SSBP2: variants seen among roughly 807,000 people sequenced by gnomAD.
SSBP2 encodes the protein single-stranded DNA-binding protein 2.
Under a neutral mutation model 61.8 loss-of-function variants are expected in SSBP2, and 17 were observed. The observed-to-expected ratio is 0.28, with a 90% CI of 0.19 to 0.41. The LOEUF is 0.41. Among genes scored for constraint, SSBP2 ranks in the 10% least tolerant of loss-of-function variants. The pLI is 1.00. For synonymous variants in SSBP2, 139 were observed against 141.3 expected (o/e 0.98, Z 0.12); for missense variants, 310 against 458.7 (o/e 0.68, Z 2.96).
chr5:81,423,680 G>A (rs1203236148), intron 16 of SSBP2, among the ~76,000 whole-genome samples: 1 of 152,054 alleles, frequency 6.6e-6, no homozygotes, highest in Non-Finnish European at 1.5e-5. Context: ...AGGAGGCGGA[G>A]GTTGCAGTGA....
intron 6 of SSBP2, among the ~76,000 whole-genome samples, chr5:81,478,916 T>C (rs905869309): frequency 2.0e-5 from 3 of 152,344 alleles, no homozygotes; most frequent in Non-Finnish European, 2.9e-5. Flanking sequence ...TAGTATATCT[T>C]TGAATATCAG....
intron 4 of SSBP2, among the ~76,000 whole-genome samples, chr5:81,566,488 C>G (rs773327833): frequency 6.6e-6 from 1 of 152,162 alleles, no homozygotes; most frequent in Non-Finnish European, 1.5e-5. Flanking sequence ...TCCTCCTTGC[C>G]TTCTGCCATG....
At chr5:81,583,247 T>C (rs997784604) in intron 4 of SSBP2, among the ~76,000 whole-genome samples, 2 of 152,032 alleles carry the variant, frequency 1.3e-5, no homozygotes, top group African/African-American at 4.8e-5. Context: ...ACATAAATAA[T>C]AAACAAGTAT....
At chr5:81,528,044 C>T (rs1770094958) in intron 4 of SSBP2, among the ~76,000 whole-genome samples, 1 of 151,694 alleles carries the variant, frequency 6.6e-6, no homozygotes. Context: ...TGTATGGTTT[C>T]TGTAACTCTT....
intron 3 of SSBP2, among the ~76,000 whole-genome samples, chr5:81,623,010 C>A (rs1364288674): frequency 6.6e-6 from 1 of 151,678 alleles, no homozygotes; most frequent in Non-Finnish European, 1.5e-5. Context: ...AAAGTTATAA[C>A]TGAAATCCTT....
rs1342709648 is a variant in SSBP2, at chr5:81,639,405, A to G, written c.136-2787T>C. Reference sequence around the variant, plus strand: ...ACAGTGCCTTTTCTAAGCACTGGATAGCAGTAAACACAAAAGACAGAAATC... The same window carrying G: ...ACAGTGCCTTTTCTAAGCACTGGATGGCAGTAAACACAAAAGACAGAAATC... On this transcript the variant is annotated intron_variant, in intron 2 of 16. Transcript: ENST00000320672. Among the ~76,000 whole-genome samples, 4 of 152,220 alleles carry G rather than the reference A, an allele frequency of 2.6e-5. No homozygotes were observed. In the East Asian group the frequency reaches 7.7e-4, roughly 29 times the overall value.
At chr5:81,621,694 T>G (rs1185863480) in intron 3 of SSBP2, among the ~76,000 whole-genome samples, 1 of 55,380 alleles carries the variant, frequency 1.8e-5, no homozygotes, top group African/African-American at 8.3e-5. Flanking sequence ...TAGCAAAGAC[T>G]TGGAACCAAC....
At chr5:81,748,938 G>C (rs948590099) in intron 1 of SSBP2, among the ~76,000 whole-genome samples, 1 of 152,062 alleles carries the variant, frequency 6.6e-6, no homozygotes, top group African/African-American at 2.4e-5. Flanking sequence ...TACTGAGTGG[G>C]ATTCAACTAA....
At chr5:81,563,401 G>C (rs942978248) in intron 4 of SSBP2, among the ~76,000 whole-genome samples, 4 of 152,022 alleles carry the variant, frequency 2.6e-5, no homozygotes, top group African/African-American at 9.7e-5. Flanking sequence ...AATTCTAAAG[G>C]TTCTAGAGAA....
chr5:81,685,567 C>T lies in SSBP2; in HGVS notation c.63-35228G>A, dbSNP rs1198491771. On this transcript the variant is annotated intron_variant, in intron 1 of 16. Coordinates refer to ENST00000320672, the MANE Select transcript of SSBP2 (RefSeq NM_012446.5). ...TATTAATTAAAAAGAAGTTGCCCTA[C>T]TTATAGAACCAGAGAAGGGGAGGCT... Among the ~76,000 whole-genome samples, 6 of 152,152 alleles carry T rather than the reference C, an allele frequency of 3.9e-5. No individual in the cohort carries two copies. In the South Asian group the frequency reaches 8.3e-4, roughly 21 times the overall value.
chr5:81,540,512 C>A (rs1419205817), intron 4 of SSBP2, among the ~76,000 whole-genome samples: 1 of 152,086 alleles, frequency 6.6e-6, no homozygotes, highest in Non-Finnish European at 1.5e-5. Flanking sequence ...AGCTTTTTTT[C>A]ATATGTTTGT....
intron 4 of SSBP2, among the ~76,000 whole-genome samples, chr5:81,588,564 C>A (rs1045463797): frequency 1.3e-5 from 2 of 151,450 alleles, no homozygotes; most frequent in African/African-American, 4.9e-5. Context: ...TATATCTATA[C>A]AACCAGGTTG....
Position 81,420,466 on chromosome 5 carries a change from GA to G in SSBP2, c.*37del, listed in dbSNP as rs1256685999. On this transcript the variant is annotated 3_prime_UTR_variant, in exon 17 of 17. Transcript: ENST00000320672. ...TTCCGTAGTAGTTCTGTGAAGGGCT[GA>G]CTCACTGTGGTTTTCATGAGGAGAC... The G allele has an allele frequency of 6.2e-7, 1 of 1,600,686 alleles. No individual in the cohort carries two copies. The highest frequency in any genetic ancestry group is 2.2e-5 in the East Asian group (1 of 44,808).
chr5:81,430,404 C>G (rs1164621462), intron 15 of SSBP2, among the ~76,000 whole-genome samples: 1 of 151,968 alleles, frequency 6.6e-6, no homozygotes, highest in Non-Finnish European at 1.5e-5. Flanking sequence ...TAAAATGAAC[C>G]CTCTTATTCT....
Position 81,414,025 on chromosome 5 carries a change from C to T in SSBP2, c.*6479G>A, listed in dbSNP as rs1481900830. ...TGTTAATATTGACTAGGAGTAAGTC[C>T]TTTACATCATTTTTTCTAGGAACAT... On this transcript the variant is annotated 3_prime_UTR_variant, in exon 17 of 17. Coordinates refer to ENST00000320672, the MANE Select transcript of SSBP2 (RefSeq NM_012446.5). 6.6e-6 allele frequency: 1 copy of T among 152,086 alleles called. No homozygotes were observed. The highest frequency in any genetic ancestry group is 2.4e-5 in the African/African-American group (1 of 41,408). The allele number at this position is 152,086 out of a possible 1,614,324, so 9.4% of individuals were successfully genotyped here.
chr5:81,650,442 G>T, intron 1 of SSBP2, 103 bp from the exon 2 acceptor site: 2 of 665,270 alleles, frequency 3.0e-6, no homozygotes, highest in South Asian at 3.2e-5. Flanking sequence ...CACTAACAGT[G>T]ACCAAAAATA....
At chr5:81,602,617 C>G (rs1391425815) in intron 4 of SSBP2, among the ~76,000 whole-genome samples, 1 of 152,168 alleles carries the variant, frequency 6.6e-6, no homozygotes, top group East Asian at 1.9e-4. Flanking sequence ...TTTCCTAACT[C>G]TGGTCTGCAT....
intron 3 of SSBP2, among the ~76,000 whole-genome samples, chr5:81,616,745 C>G (rs1746093531): frequency 6.6e-6 from 1 of 150,610 alleles, no homozygotes; most frequent in Non-Finnish European, 1.5e-5. Context: ...CAGCACGCAG[C>G]TGGAGATCTG....
At chr5:81,659,500 C>G (rs139180726) in intron 1 of SSBP2, among the ~76,000 whole-genome samples, 5 of 152,110 alleles carry the variant, frequency 3.3e-5, no homozygotes, top group African/African-American at 1.2e-4. Context: ...CAAACCACTA[C>G]TCAAGAAAAT....
Sources: gnomAD v4.1 joint callset for allele counts (sites outside exome capture counted in the v4.1 genomes callset) on GRCh38, gnomAD v4.1.1 for gene constraint, MANE v1.5 for transcripts, NCBI Gene and HGNC (gene_info 2026-07-23, HGNC 2026-07-21) for gene names.